ADGRL4: variants seen among roughly 807,000 people sequenced by gnomAD.
The protein encoded by ADGRL4 is EGF, latrophilin and seven transmembrane domain containing 1.
In ADGRL4, 90 loss-of-function variants were observed where a neutral mutation model predicts 74.8. The observed-to-expected ratio is 1.20, with a 90% CI of 1.02 to 1.43. ADGRL4 has a LOEUF of 1.43. Among genes scored for constraint, ADGRL4 ranks in the 40% most tolerant of loss-of-function variants. ADGRL4 has a pLI of 0.00. For missense variants in ADGRL4, 881 were observed against 814.3 expected (o/e 1.08, Z -1.00); for synonymous variants, 311 against 279.2 (o/e 1.11, Z -1.14).
chr1:78,948,892 A>G (rs1365771076), intron 2 of ADGRL4, among the ~76,000 whole-genome samples: 1 of 152,128 alleles, frequency 6.6e-6, no homozygotes, highest in Non-Finnish European at 1.5e-5. Context: ...GTAAAAATTA[A>G]TCAAAAAGTC....
intron 2 of ADGRL4, among the ~76,000 whole-genome samples, chr1:78,984,814 C>T (rs535368976): frequency 1.8e-4 from 28 of 151,748 alleles, no homozygotes; most frequent in African/African-American, 5.8e-4. Context: ...AGGGCTAAAA[C>T]CTTTTCAACA....
chr1:78,901,851 G>C (rs1419720428), intron 12 of ADGRL4, among the ~76,000 whole-genome samples: 1 of 152,104 alleles, frequency 6.6e-6, no homozygotes, highest in East Asian at 1.9e-4. Context: ...TAGCACACTT[G>C]GGAGTATCTA....
At chr1:79,006,510 A>G in intron 1 of ADGRL4, 123 bp downstream of exon 1, 1 of 1,113,128 alleles carries the variant, frequency 9.0e-7, no homozygotes, top group East Asian at 2.9e-5. Flanking sequence ...TACTAAATCA[A>G]TTCTCCTCGG....
At chr1:78,949,784 G>A (rs1482828637) in intron 2 of ADGRL4, among the ~76,000 whole-genome samples, 1 of 152,062 alleles carries the variant, frequency 6.6e-6, no homozygotes, top group Non-Finnish European at 1.5e-5. Flanking sequence ...AATTTTGGTA[G>A]ATTGTAAAAT....
chr1:78,993,846 T>G (rs748408469), intron 2 of ADGRL4, among the ~76,000 whole-genome samples: 2 of 152,200 alleles, frequency 1.3e-5, no homozygotes, highest in Non-Finnish European at 2.9e-5. Context: ...GTGCTGGGAT[T>G]ACAGGCATGA....
chr1:78,918,712 G>A (rs957266406), intron 10 of ADGRL4, among the ~76,000 whole-genome samples: 1 of 151,680 alleles, frequency 6.6e-6, no homozygotes, highest in African/African-American at 2.4e-5. Context: ...AAAGCTAAAG[G>A]TATGTATCAT....
At chr1:79,000,339 A>G (rs369598387) in intron 2 of ADGRL4, among the ~76,000 whole-genome samples, 1 of 152,182 alleles carries the variant, frequency 6.6e-6, no homozygotes, top group African/African-American at 2.4e-5. Flanking sequence ...TGTTAGATAA[A>G]CATGAAACAA....
At chr1:78,911,354 CT>C (rs1223054623) in intron 12 of ADGRL4, among the ~76,000 whole-genome samples, 1 of 151,752 alleles carries the variant, frequency 6.6e-6, no homozygotes, top group African/African-American at 2.4e-5. Flanking sequence ...AAATTTGCCC[CT>C]AATTACCTAT....
intron 4 of ADGRL4, 84 bp downstream of exon 4, chr1:78,939,104 T>G: frequency 7.1e-7 from 1 of 1,411,844 alleles, no homozygotes; most frequent in Non-Finnish European, 9.3e-7. Flanking sequence ...TACTGTTTAC[T>G]CTTCTTGAAA....
chr1:78,993,806 C>A (rs914695148), intron 2 of ADGRL4, among the ~76,000 whole-genome samples: 5 of 152,064 alleles, frequency 3.3e-5, no homozygotes, highest in African/African-American at 1.2e-4. Context: ...ATTTCCTGAC[C>A]TCGTGATCCG....
intron 8 of ADGRL4, among the ~76,000 whole-genome samples, chr1:78,926,566 T>C (rs1333995262): frequency 6.6e-6 from 1 of 151,998 alleles, no homozygotes; most frequent in South Asian, 2.1e-4. Context: ...ATTTCTCTGA[T>C]TGTGATACTT....
intron 3 of ADGRL4, among the ~76,000 whole-genome samples, chr1:78,941,700 C>G (rs1649485404): frequency 6.6e-6 from 1 of 152,074 alleles, no homozygotes; most frequent in Non-Finnish European, 1.5e-5. Context: ...GTGAAACTGG[C>G]TTGTCTACAG....
At chr1:78,907,277 C>A (rs1648663529) in intron 12 of ADGRL4, among the ~76,000 whole-genome samples, 1 of 151,966 alleles carries the variant, frequency 6.6e-6, no homozygotes, top group African/African-American at 2.4e-5. Context: ...GAAATTTTTT[C>A]TCAAAATAAT....
At position 78,908,938 on chromosome 1, in the gene ADGRL4, C is replaced by A. The variant is rs554119965; in HGVS notation, c.1749+8696G>T. Among the ~76,000 whole-genome samples the A allele has an allele frequency of 5.9e-5, 9 of 151,860 alleles. No homozygotes were observed. The South Asian group carries it at 1.9e-3, about 32-fold the overall frequency. Reference sequence around the variant, plus strand: ...CATATATAGGAACATATTGAAACTACCAATGTATTATTTATGTTTTTATAT... The same window carrying A: ...CATATATAGGAACATATTGAAACTAACAATGTATTATTTATGTTTTTATAT... On this transcript the variant is annotated intron_variant, in intron 12 of 14. Coordinates refer to ENST00000370742, the MANE Select transcript of ADGRL4 (RefSeq NM_022159.4).
At position 78,920,368 on chromosome 1, in the gene ADGRL4, T is replaced by C; in HGVS notation, c.1276A>G (p.Ile426Val). 6.3e-7 allele frequency: 1 copy of C among 1,588,380 alleles called. No homozygotes were observed. The highest frequency in any genetic ancestry group is 1.3e-5 in the African/African-American group (1 of 74,336). The change falls in exon 10 of 15, where the codon ATT (isoleucine) becomes GTT (valine). Residue 426 changes from isoleucine to valine, a missense_variant. By Grantham distance (29) the Ile-to-Val change is conservative (BLOSUM62 3). Coordinates refer to ENST00000370742, the MANE Select transcript of ADGRL4 (RefSeq NM_022159.4). ...GPSIGIKDYN[I>V]LTRITQLGII... Reference sequence around the variant, plus strand: ...CCTAGTTGAGTGATCCTTGTAAGAATATTATAATCTTTAATACCCTAAGGG... The same window carrying C: ...CCTAGTTGAGTGATCCTTGTAAGAACATTATAATCTTTAATACCCTAAGGG...
intron 2 of ADGRL4, among the ~76,000 whole-genome samples, chr1:78,972,339 A>AAAC (rs1650187672): frequency 6.6e-6 from 1 of 152,216 alleles, no homozygotes; most frequent in South Asian, 2.1e-4. Context: ...GCAACATTAG[A>AAAC]AACTTAGAAT....
intron 12 of ADGRL4, among the ~76,000 whole-genome samples, chr1:78,903,371 G>A (rs1648558819): frequency 6.6e-6 from 1 of 152,054 alleles, no homozygotes; most frequent in African/African-American, 2.4e-5. Flanking sequence ...ATGACAAACT[G>A]ACATTTTTCT....
intron 12 of ADGRL4, among the ~76,000 whole-genome samples, chr1:78,897,100 G>T (rs1648414583): frequency 6.6e-6 from 1 of 152,070 alleles, no homozygotes; most frequent in East Asian, 1.9e-4. Flanking sequence ...TGGAAATGTA[G>T]AGAATGATGA....
chr1:78,937,869 G>A lies in ADGRL4; in HGVS notation c.698C>T (p.Thr233Ile), dbSNP rs1243424468. 6.2e-7 allele frequency: 1 copy of A among 1,614,014 alleles called. No individual in the cohort carries two copies. Among genetic ancestry groups the A allele is most frequent in the Non-Finnish European group, 8.5e-7 (1 of 1,179,948 alleles). Reference protein sequence around the residue: ...TKLMHTVEQATLRISQSFQKT... With the variant: ...TKLMHTVEQAILRISQSFQKT... Reference sequence around the variant, plus strand: ...TTGGAAGCTCTGGGATATCCTTAAAGTAGCTTGTTCAACAGTGTGCATGAG... The same window carrying A: ...TTGGAAGCTCTGGGATATCCTTAAAATAGCTTGTTCAACAGTGTGCATGAG... The change falls in exon 6 of 15, where the codon ACT becomes ATT. Residue 233 changes from threonine (T) to isoleucine (I), a missense_variant. Transcript: ENST00000370742.
Sources: gnomAD v4.1 joint callset for allele counts (sites outside exome capture counted in the v4.1 genomes callset) on GRCh38, gnomAD v4.1.1 for gene constraint, MANE v1.5 for transcripts, NCBI Gene and HGNC (gene_info 2026-07-23, HGNC 2026-07-21) for gene names.